Variants in RAD23B observed in about 807,000 individuals in gnomAD.
The protein encoded by RAD23B is lysine-specific demethylase RAD23B.
In RAD23B, 5 loss-of-function variants were observed where a neutral mutation model predicts 49.1. That is an observed-to-expected ratio of 0.10 (90% CI 0.05 to 0.21). The LOEUF is 0.21. Among genes scored for constraint, RAD23B ranks in the 10% least tolerant of loss-of-function variants. The probability of loss-of-function intolerance (pLI) is 1.00; values close to 1 mark genes in which losing one functional copy is unlikely to be tolerated. For missense variants in RAD23B, 356 were observed against 486.7 expected (o/e 0.73, Z 2.53); for synonymous variants, 184 against 165.4 (o/e 1.11, Z -0.86).
intron 1 of RAD23B, among the ~76,000 whole-genome samples, chr9:107,293,890 C>G (rs184297669): frequency 3.3e-5 from 5 of 152,286 alleles, no homozygotes; most frequent in Non-Finnish European, 7.4e-5. Context: ...CTCAGTCAAT[C>G]CTTTCACGTC....
At chr9:107,284,506 A>C (rs1242331143) in intron 1 of RAD23B, among the ~76,000 whole-genome samples, 2 of 152,132 alleles carry the variant, frequency 1.3e-5, no homozygotes, top group Non-Finnish European at 2.9e-5. Context: ...AAAACAAAAA[A>C]CAACAACTTT....
chr9:107,325,897 A>T (rs1230043475), intron 9 of RAD23B, among the ~76,000 whole-genome samples: 1 of 152,208 alleles, frequency 6.6e-6, no homozygotes, highest in African/African-American at 2.4e-5. Flanking sequence ...CCTTTATCAG[A>T]TTGAAGAAAT....
At chr9:107,289,040 CTCCCTTCCTCCCTCCCTTCT>C in intron 1 of RAD23B, among the ~76,000 whole-genome samples, 1 of 127,268 alleles carries the variant, frequency 7.9e-6, no homozygotes, top group Non-Finnish European at 1.7e-5. Context: ...CCCTTCCTCT[CTCCCTTCCTCCCTCCCTTCT>C]TCCCTTCCTC....
At position 107,293,706 on chromosome 9, in the gene RAD23B, C is replaced by A. The variant is rs1380284973; in HGVS notation, c.67-6435C>A. ...GTGTAAGAAGATTGACATGGCAGCT[C>A]ATTATACTATCATAGGAATATGATT... On this transcript the variant is annotated intron_variant, in intron 1 of 9. Transcript: ENST00000358015. 2.0e-5 allele frequency among the ~76,000 whole-genome samples: 3 copies of A among 152,178 alleles called. No individual in the cohort carries two copies. In the South Asian group the frequency reaches 6.2e-4, roughly 31 times the overall value.
intron 1 of RAD23B, among the ~76,000 whole-genome samples, chr9:107,290,905 C>T (rs1424598482): frequency 6.6e-6 from 1 of 152,166 alleles, no homozygotes; most frequent in African/African-American, 2.4e-5. Context: ...CAGTTAATTT[C>T]TGAAAGAAAT....
chr9:107,314,277 G>A (rs1403627841), intron 5 of RAD23B, among the ~76,000 whole-genome samples: 1 of 152,132 alleles, frequency 6.6e-6, no homozygotes, highest in African/African-American at 2.4e-5. Context: ...TGAAGTTTGG[G>A]CTTTTAGTGT....
chr9:107,283,937 G>A (rs1291047327), intron 1 of RAD23B: 2 of 1,089,990 alleles, frequency 1.8e-6, no homozygotes, highest in East Asian at 4.4e-5. Context: ...GGCAGATGGC[G>A]TGGAGCGCAC....
intron 5 of RAD23B, among the ~76,000 whole-genome samples, chr9:107,314,965 G>A (rs1376613058): frequency 2.0e-5 from 3 of 152,206 alleles, no homozygotes; most frequent in East Asian, 1.9e-4. Context: ...TGCCAGTCAT[G>A]TTTTTTGCCC....
intron 6 of RAD23B, among the ~76,000 whole-genome samples, chr9:107,320,315 AT>A (rs1173672511): frequency 6.6e-6 from 1 of 152,216 alleles, no homozygotes; most frequent in Non-Finnish European, 1.5e-5. Flanking sequence ...CCCTAAACAG[AT>A]TGTATAAAAG....
intron 4 of RAD23B, 60 bp downstream of exon 4, chr9:107,306,707 C>A: frequency 2.6e-6 from 4 of 1,513,136 alleles, no homozygotes; most frequent in South Asian, 1.2e-5. Context: ...GAACTTCATG[C>A]ATTTATTTTG....
intron 5 of RAD23B, among the ~76,000 whole-genome samples, chr9:107,312,407 G>T (rs1447079633): frequency 6.6e-6 from 1 of 152,150 alleles, no homozygotes; most frequent in Non-Finnish European, 1.5e-5. Context: ...CAGCTTTGGT[G>T]CAGTACAGGC....
intron 9 of RAD23B, among the ~76,000 whole-genome samples, chr9:107,326,398 G>A (rs544455057): frequency 6.7e-5 from 10 of 150,104 alleles, no homozygotes; most frequent in East Asian, 4.1e-4. Flanking sequence ...GGAGAATGGC[G>A]TGAACCCGGG....
At chr9:107,297,349 T>G (rs977082108) in intron 1 of RAD23B, among the ~76,000 whole-genome samples, 1 of 152,060 alleles carries the variant, frequency 6.6e-6, no homozygotes, top group Non-Finnish European at 1.5e-5. Flanking sequence ...TTGTTTTGTT[T>G]TGTTTTTGAG....
rs962356590 is a variant in RAD23B, at chr9:107,301,967, G to T, written c.149-68G>T. On this transcript the variant is annotated intron_variant, in intron 2 of 9. Coordinates refer to ENST00000358015, the MANE Select transcript of RAD23B (RefSeq NM_002874.5). ...GAAATATTCATATTTCGAGTAGAAA[G>T]TTGTTTTAACTGAAGTGTAAGAGAA... 12 of 1,556,036 alleles carry T rather than the reference G, an allele frequency of 7.7e-6. No homozygotes were observed. In the African/African-American group the frequency reaches 1.1e-4, roughly 14 times the overall value.
chr9:107,297,110 C>A lies in RAD23B; in HGVS notation c.67-3031C>A, dbSNP rs370332665. On this transcript the variant is annotated intron_variant, in intron 1 of 9. Coordinates refer to ENST00000358015, the MANE Select transcript of RAD23B (RefSeq NM_002874.5). ...CTTGTGATCTGCCCGCCTTGGCCTC[C>A]CAAAGTGCTGGGATTACAGGCATGA... Among the ~76,000 whole-genome samples, 28 of 152,094 alleles carry A rather than the reference C, an allele frequency of 1.8e-4. 1 individual carries two copies. In the South Asian group the frequency reaches 5.8e-3, roughly 32 times the overall value.
chr9:107,287,319 C>T (rs951577417), intron 1 of RAD23B, among the ~76,000 whole-genome samples: 1 of 152,140 alleles, frequency 6.6e-6, no homozygotes, highest in Non-Finnish European at 1.5e-5. Context: ...ATCCTGCAGT[C>T]TAACTCTTGA....
Position 107,331,824 on chromosome 9 carries a change from A to G in RAD23B, c.*2168A>G, listed in dbSNP as rs919464500. ...TCAGGCCAAGTTTTGATCGTTCCATACAGTACCTTGTTTATCTGCTTCTTA... is the reference window on the plus strand; with the variant it reads ...TCAGGCCAAGTTTTGATCGTTCCATGCAGTACCTTGTTTATCTGCTTCTTA... On this transcript the variant is annotated 3_prime_UTR_variant, in exon 10 of 10. Transcript: ENST00000358015. The G allele has an allele frequency of 4.3e-6, 3 of 692,196 alleles. No homozygotes were observed. Among genetic ancestry groups the G allele is most frequent in the Admixed American group, 2.3e-5 (1 of 44,186 alleles). The allele number at this position is 692,196 out of a possible 1,614,324, so 42.9% of individuals were successfully genotyped here. A position where few individuals can be genotyped will look rare whatever the true frequency, so the allele number is the denominator to read the frequency against.
At chr9:107,284,326 G>C in intron 1 of RAD23B, 6 of 675,546 alleles carry the variant, frequency 8.9e-6, no homozygotes, top group Non-Finnish European at 1.1e-5. Flanking sequence ...GGCCTCTTTG[G>C]TGATGGTTTT....
chr9:107,324,349 A>G (rs1464591895), intron 8 of RAD23B, among the ~76,000 whole-genome samples: 2 of 152,210 alleles, frequency 1.3e-5, no homozygotes, highest in Non-Finnish European at 2.9e-5. Flanking sequence ...CACTTTTCAC[A>G]AGCTTATTAC....
Sources: gnomAD v4.1 joint callset for allele counts (sites outside exome capture counted in the v4.1 genomes callset) on GRCh38, gnomAD v4.1.1 for gene constraint, MANE v1.5 for transcripts, NCBI Gene and HGNC (gene_info 2026-07-23, HGNC 2026-07-21) for gene names.